SRBD1: variants seen among roughly 807,000 people sequenced by gnomAD.
The protein encoded by SRBD1 is S1 RNA-binding domain-containing protein 1.
In SRBD1, 88 loss-of-function variants were observed where a neutral mutation model predicts 115.3. The ratio of observed to expected loss-of-function variants is 0.76; its 90% CI spans 0.64 to 0.91. SRBD1 has a LOEUF of 0.91. Ranked by LOEUF, SRBD1 falls within the 40% of genes least tolerant of loss-of-function variation. The probability of loss-of-function intolerance (pLI) is 0.00; values close to 1 mark genes in which losing one functional copy is unlikely to be tolerated. For synonymous variants in SRBD1, 509 were observed against 407.7 expected (o/e 1.25, Z -2.99); for missense variants, 1,385 against 1,177.4 (o/e 1.18, Z -2.58).
chr2:45,418,305 T>C lies in SRBD1; in HGVS notation c.2333+60A>G, dbSNP rs899534866. ...AATTTTACACTAATCAGTGGTAGGA[T>C]AGGTAACAGTAACAAGAGAGGAGGT... is the stretch of plus-strand genomic sequence containing the variant. On this transcript the variant is annotated intron_variant, in intron 18 of 20. Transcript: ENST00000263736. 2.4e-5 allele frequency: 38 copies of C among 1,571,898 alleles called. No homozygotes were observed. The Admixed American group carries it at 4.4e-4, about 18-fold the overall frequency.
intron 13 of SRBD1, 38 bp from the exon 14 acceptor site, chr2:45,546,877 G>C (rs748928869): frequency 4.5e-6 from 7 of 1,564,164 alleles, no homozygotes; most frequent in Non-Finnish European, 5.3e-6. Flanking sequence ...TGAATTTCAA[G>C]GCATGCTTTG....
At chr2:45,395,986 C>CA (rs1425747926) in intron 19 of SRBD1, among the ~76,000 whole-genome samples, 1 of 151,904 alleles carries the variant, frequency 6.6e-6, no homozygotes, top group Non-Finnish European at 1.5e-5. Context: ...TCAAAAGTAC[C>CA]AAATAAAAAC....
chr2:45,456,642 T>C (rs1285348438), intron 16 of SRBD1, among the ~76,000 whole-genome samples: 1 of 151,946 alleles, frequency 6.6e-6, no homozygotes, highest in Non-Finnish European at 1.5e-5. Flanking sequence ...TTATTTTAAA[T>C]AGCCCCAAAT....
chr2:45,426,148 C>T (rs1296167939), intron 16 of SRBD1, among the ~76,000 whole-genome samples: 1 of 152,152 alleles, frequency 6.6e-6, no homozygotes. Context: ...ACCTGGGATG[C>T]TAGAGCTTGG....
intron 18 of SRBD1, among the ~76,000 whole-genome samples, chr2:45,414,657 T>A (rs989109409): frequency 6.7e-6 from 1 of 150,104 alleles, no homozygotes; most frequent in Admixed American, 6.6e-5. Flanking sequence ...AGTATGCACA[T>A]ACACACATAG....
intron 5 of SRBD1, among the ~76,000 whole-genome samples, chr2:45,584,253 T>A (rs1050598343): frequency 6.6e-6 from 1 of 152,236 alleles, no homozygotes; most frequent in Non-Finnish European, 1.5e-5. Flanking sequence ...TGCATGACAG[T>A]AATCTACTGG....
chr2:45,400,524 T>C (rs897091818), intron 19 of SRBD1, among the ~76,000 whole-genome samples: 4 of 152,046 alleles, frequency 2.6e-5, no homozygotes, highest in African/African-American at 9.7e-5. Flanking sequence ...AATATTAATA[T>C]TCATTAACAA....
rs577392299 is a variant in SRBD1, at chr2:45,526,235, T to C, written c.1874+20497A>G. Among the ~76,000 whole-genome samples, 51 of 151,934 alleles carry C rather than the reference T, an allele frequency of 3.4e-4. 1 individual carries two copies. Among genetic ancestry groups the C allele is most frequent in the Non-Finnish European group, 6.5e-4 (44 of 67,912 alleles). ...TCGACTAATAAATGGATAAACAAAA[T>C]GTTGTATATCCATATAATGGAATAT... On this transcript the variant is annotated intron_variant, in intron 14 of 20. Coordinates refer to ENST00000263736, the MANE Select transcript of SRBD1 (RefSeq NM_018079.5).
At chr2:45,528,634 T>A (rs3821060) in intron 14 of SRBD1, among the ~76,000 whole-genome samples, 43,669 of 151,630 alleles carry the variant, frequency 0.29, 6,526 homozygotes, top group African/African-American at 0.37. Flanking sequence ...AACTTGAAAC[T>A]ATGTAGACTT....
At chr2:45,501,718 G>T (rs1176885533) in intron 14 of SRBD1, among the ~76,000 whole-genome samples, 1 of 152,194 alleles carries the variant, frequency 6.6e-6, no homozygotes, top group Non-Finnish European at 1.5e-5. Context: ...AGATCGAACT[G>T]CAAAGCGGCA....
At chr2:45,583,817 C>T (rs374614374) in intron 5 of SRBD1, among the ~76,000 whole-genome samples, 8 of 152,260 alleles carry the variant, frequency 5.3e-5, no homozygotes, top group Admixed American at 4.6e-4. Flanking sequence ...AATGCCCCCA[C>T]TTACTTCAAG....
chr2:45,555,488 CTTTTTTTT>C (rs35646522), intron 10 of SRBD1, among the ~76,000 whole-genome samples: 1 of 121,386 alleles, frequency 8.2e-6, no homozygotes, highest in Admixed American at 8.7e-5. Context: ...TCATTAAACC[CTTTTTTTT>C]TTTTTTTTTT....
chr2:45,531,468 T>C (rs986331767), intron 14 of SRBD1, among the ~76,000 whole-genome samples: 1 of 151,856 alleles, frequency 6.6e-6, no homozygotes, highest in African/African-American at 2.4e-5. Context: ...AAGTATATAT[T>C]TGAAGGCAAG....
Position 45,573,294 on chromosome 2 carries a change from G to T in SRBD1, c.1218C>A (p.Ser406=), listed in dbSNP as rs775872643. The T allele has an allele frequency of 6.2e-7, 1 of 1,611,780 alleles. No individual in the cohort carries two copies. Among genetic ancestry groups the T allele is most frequent in the Non-Finnish European group, 8.5e-7 (1 of 1,179,208 alleles). The part of the protein sequence containing the change: ...VCIQSSLAKV[S]SKKVNEKDVD... ...CATCTTTCTCATTTACCTTTTTTGA[G>T]GATACTTTTGCCAGAGATGACTGGA... The change falls in exon 9 of 21, where the codon TCC becomes TCA. Residue 406 remains serine (S), a synonymous_variant. Transcript: ENST00000263736.
At chr2:45,479,529 T>C (rs1459714189) in intron 15 of SRBD1, among the ~76,000 whole-genome samples, 1 of 152,164 alleles carries the variant, frequency 6.6e-6, no homozygotes, top group East Asian at 1.9e-4. Flanking sequence ...CAAAGTGTAA[T>C]CCTGAGCAAG....
intron 20 of SRBD1, among the ~76,000 whole-genome samples, chr2:45,392,409 T>C (rs1030888295): frequency 3.9e-5 from 6 of 152,206 alleles, no homozygotes; most frequent in African/African-American, 1.2e-4. Flanking sequence ...TCAACAACTA[T>C]GGTTGTTACA....
intron 16 of SRBD1, among the ~76,000 whole-genome samples, chr2:45,452,163 A>G (rs1288745455): frequency 6.6e-6 from 1 of 152,024 alleles, no homozygotes; most frequent in Non-Finnish European, 1.5e-5. Flanking sequence ...GGGACATTAG[A>G]ATCTGTCTTT....
rs548839991 is a variant in SRBD1, at chr2:45,452,977, G to T, written c.2049+24016C>A. 1.1e-3 allele frequency among the ~76,000 whole-genome samples: 170 copies of T among 152,080 alleles called. 2 individuals carry two copies. The highest frequency in any genetic ancestry group is 9.1e-3 in the South Asian group (44 of 4,826). On this transcript the variant is annotated intron_variant, in intron 16 of 20. Transcript: ENST00000263736. The stretch of plus-strand genomic sequence containing the variant: ...ATGGGGATGAAATACGTAGTCATTT[G>T]AAGTCCACAATATGTATACTGTGTT...
intron 14 of SRBD1, among the ~76,000 whole-genome samples, chr2:45,500,950 T>C (rs536462244): frequency 3.2e-4 from 48 of 152,330 alleles, no homozygotes; most frequent in Non-Finnish European, 1.2e-4. Context: ...GTAGGCATAC[T>C]TGTCTTGTTC....
Sources: allele counts gnomAD v4.1 joint callset (sites outside exome capture counted in the v4.1 genomes callset), GRCh38; gene constraint gnomAD v4.1.1; transcripts MANE v1.5; gene names NCBI Gene and HGNC (gene_info 2026-07-23, HGNC 2026-07-21).